The following ANKRD36C variants were observed in gnomAD, a reference collection of about 807,000 sequenced individuals.
ANKRD36C encodes ankyrin repeat domain-containing protein 36C.
A neutral mutation model predicts 276.4 loss-of-function variants in ANKRD36C; 61 were observed. The ratio of observed to expected loss-of-function variants is 0.22; its 90% CI spans 0.18 to 0.27. ANKRD36C has a LOEUF of 0.27. Ranked by LOEUF, ANKRD36C falls within the 10% of genes least tolerant of loss-of-function variation. The pLI is 1.00. For missense variants in ANKRD36C, 1,447 were observed against 2,032.3 expected (o/e 0.71, Z 5.54); for synonymous variants, 483 against 680.1 (o/e 0.71, Z 4.51).
chr2:95,990,044 T>C (rs979786350), intron 1 of ANKRD36C, among the ~76,000 whole-genome samples: 4 of 152,236 alleles, frequency 2.6e-5, no homozygotes, highest in African/African-American at 9.6e-5. Context: ...CTGGATTTTT[T>C]TTATTTTGCT....
At chr2:95,957,333 C>T in intron 12 of ANKRD36C, among the ~76,000 whole-genome samples, 1 of 152,298 alleles carries the variant, frequency 6.6e-6, no homozygotes, top group East Asian at 1.9e-4. Flanking sequence ...ATTCATCATG[C>T]TCTTTGACTT....
intron 6 of ANKRD36C, among the ~76,000 whole-genome samples, chr2:95,967,359 T>A (rs1190601146): frequency 2.6e-5 from 4 of 152,158 alleles, no homozygotes; most frequent in African/African-American, 4.8e-5. Flanking sequence ...AAAGAATACA[T>A]TTATGCAGCC....
rs531683096 is a variant in ANKRD36C at position 95,929,799 on chromosome 2, G to A, written c.1736-532C>T. Among the ~76,000 whole-genome samples, 25 of 151,414 alleles carry A rather than the reference G, an allele frequency of 1.7e-4. No homozygotes were observed. The South Asian group carries it at 5.2e-3, about 31-fold the overall frequency. On this transcript the variant is annotated intron_variant, in intron 24 of 66. Transcript: ENST00000456556. ...GAAGTGTCCTAACTTAATCAGCTTG[G>A]ATATATGTTTGGTGAATTCTAGTAT...
intron 44 of ANKRD36C, 89 bp from the exon 59 acceptor site, chr2:95,897,554 C>A: frequency 2.7e-6 from 4 of 1,490,920 alleles, no homozygotes; most frequent in South Asian, 2.4e-5. Context: ...CAACCTCCGT[C>A]CTCCTGCCTG....
intron 28 of ANKRD36C, among the ~76,000 whole-genome samples, chr2:95,926,348 T>G (rs1023951854): frequency 1.8e-4 from 28 of 151,634 alleles, no homozygotes; most frequent in Admixed American, 1.1e-3. Flanking sequence ...TCATTGAAAA[T>G]GAGAATTTTA....
intron 44 of ANKRD36C, among the ~76,000 whole-genome samples, 192 bp from the exon 65 acceptor site, chr2:95,892,052 A>G (rs1335745743): frequency 6.6e-6 from 1 of 151,584 alleles, no homozygotes; most frequent in Non-Finnish European, 1.5e-5. Context: ...GCTCCATGAA[A>G]TATAGTTTTA....
At chr2:95,925,497 A>C in intron 29 of ANKRD36C, 22 bp downstream of exon 29, 3 of 1,548,744 alleles carry the variant, frequency 1.9e-6, no homozygotes, top group Non-Finnish European at 2.6e-6. Context: ...ATAATTCAAA[A>C]TATAAATGAA....
intron 6 of ANKRD36C, among the ~76,000 whole-genome samples, chr2:95,969,767 G>C (rs1678662394): frequency 6.6e-6 from 1 of 152,146 alleles, no homozygotes; most frequent in Non-Finnish European, 1.5e-5. Flanking sequence ...CATCAGTGCA[G>C]AAAGTAGGGT....
intron 52 of ANKRD36C, among the ~76,000 whole-genome samples, 181 bp downstream of exon 72, chr2:95,885,867 C>T (rs931621144): frequency 5.9e-5 from 9 of 151,722 alleles, no homozygotes; most frequent in African/African-American, 1.7e-4. Flanking sequence ...AATCTTACTA[C>T]TCAGATCATG....
chr2:95,923,467 T>C (rs763754747), intron 32 of ANKRD36C, 28 bp downstream of exon 32: 6 of 1,607,672 alleles, frequency 3.7e-6, no homozygotes, highest in African/African-American at 2.7e-5. Flanking sequence ...GGACTGAACA[T>C]GACATTTAAT....
At chr2:95,926,656 C>T (rs1345047699) in intron 28 of ANKRD36C, among the ~76,000 whole-genome samples, 2 of 151,518 alleles carry the variant, frequency 1.3e-5, no homozygotes, top group Admixed American at 6.6e-5. Flanking sequence ...AAAATCAAAG[C>T]TTCTTTTACA....
chr2:95,938,035 T>C (rs1677766538), intron 22 of ANKRD36C, among the ~76,000 whole-genome samples: 2 of 152,268 alleles, frequency 1.3e-5, no homozygotes, highest in Middle Eastern at 6.8e-3. Context: ...CTGAAATATA[T>C]TCCACTGATT....
At chr2:95,916,823 G>C (rs558906710) in intron 36 of ANKRD36C, among the ~76,000 whole-genome samples, 7 of 151,652 alleles carry the variant, frequency 4.6e-5, no homozygotes, top group Non-Finnish European at 7.4e-5. Flanking sequence ...TCTTCATCTA[G>C]TCGTGGCACC....
chr2:95,923,797 T>C, intron 30 of ANKRD36C, 108 bp from the exon 31 acceptor site: 3 of 1,471,446 alleles, frequency 2.0e-6, no homozygotes, highest in Admixed American at 4.5e-5. Context: ...TGTATTAGTA[T>C]AGGCTTTGAT....
chr2:95,920,062 C>A (rs1210973289), intron 34 of ANKRD36C, 142 bp from the exon 35 acceptor site: 7 of 1,053,258 alleles, frequency 6.6e-6, no homozygotes, highest in African/African-American at 1.6e-5. Context: ...TGTCTTGGGA[C>A]TGGAACATGA....
chr2:95,853,505 T>G (rs1238817342), intron 64 of ANKRD36C: 4 of 403,026 alleles, frequency 9.9e-6, no homozygotes, highest in Non-Finnish European at 1.7e-5. Context: ...GAGATTAAGA[T>G]ATAGGTGCAT....
At chr2:95,859,673 T>A (rs925600702) in intron 61 of ANKRD36C, among the ~76,000 whole-genome samples, 188 bp downstream of exon 81, 7 of 152,206 alleles carry the variant, frequency 4.6e-5, no homozygotes, top group Non-Finnish European at 1.0e-4. Context: ...AATATGCATT[T>A]AATTATTAGA....
rs200489248 is a variant in ANKRD36C at position 95,902,907 on chromosome 2, A to C, written c.2654-3571T>G. The C allele has an allele frequency of 2.5e-5, 38 of 1,523,078 alleles. 1 individual carries two copies. Among genetic ancestry groups the C allele is most frequent in the African/African-American group, 1.4e-4 (10 of 72,784 alleles). The allele number at this position is 1,523,078 out of a possible 1,614,324, so 94.3% of individuals were successfully genotyped here. A position where few individuals can be genotyped will look rare whatever the true frequency, so the allele number is the denominator to read the frequency against. On this transcript the variant is annotated intron_variant, in intron 42 of 66. Transcript: ENST00000456556. Reference sequence around the variant, plus strand: ...TTACCTCTCCTAGTTTTTTCTCCATACTTTTTTCCTCTGGCTATATTCAAA... The same window carrying C: ...TTACCTCTCCTAGTTTTTTCTCCATCCTTTTTTCCTCTGGCTATATTCAAA...
downstream of ANKRD36C, among the ~76,000 whole-genome samples, chr2:95,851,014 A>G (rs1427313416): frequency 2.0e-5 from 3 of 152,326 alleles, no homozygotes; most frequent in South Asian, 2.1e-4. Context: ...ATGAATGTTT[A>G]TGTTTTCACA....
Sources: gnomAD v4.1 joint callset for allele counts (sites outside exome capture counted in the v4.1 genomes callset) on GRCh38, gnomAD v4.1.1 for gene constraint, MANE v1.5 for transcripts, NCBI Gene and HGNC (gene_info 2026-07-23, HGNC 2026-07-21) for gene names.